ODAD4: variants seen among roughly 807,000 people sequenced by gnomAD.
The protein encoded by ODAD4 is outer dynein arm docking complex subunit 4.
ODAD4 carries 49 observed loss-of-function variants against 51.8 expected under a neutral mutation model. The observed-to-expected ratio is 0.95, with a 90% CI of 0.75 to 1.20. The LOEUF (loss-of-function observed/expected upper bound fraction) is 1.20, where lower values mean the gene tolerates loss of function less well. Among genes scored for constraint, ODAD4 ranks in the 50% most tolerant of loss-of-function variants. The probability of loss-of-function intolerance (pLI) is 0.00; values close to 1 mark genes in which losing one functional copy is unlikely to be tolerated. For missense variants in ODAD4, 590 were observed against 586.5 expected, an observed-to-expected ratio of 1.01 and a Z score of -0.06; for synonymous variants, 235 against 221.3, an observed-to-expected ratio of 1.06 and a Z score of -0.55.
rs1369112137 is a variant in ODAD4 at position 41,948,205 on chromosome 17, CAA to C, written c.1146-946_1146-945del. 9.2e-5 allele frequency among the ~76,000 whole-genome samples: 14 copies of C among 152,054 alleles called. 1 individual carries two copies. The highest frequency in any genetic ancestry group is 9.2e-4 in the Admixed American group (14 of 15,266). ...GAGAAAAGTATTCAGTCTCACCACCCAAAGACAAGTACTAATTCTAATCCTAC... is the reference window on the plus strand; with the variant it reads ...GAGAAAAGTATTCAGTCTCACCACCCAGACAAGTACTAATTCTAATCCTAC... On this transcript the variant is annotated intron_variant, in intron 8 of 11. Coordinates refer to ENST00000377540, the MANE Select transcript of ODAD4 (RefSeq NM_031421.5).
intron 5 of ODAD4, among the ~76,000 whole-genome samples, 170 bp from the exon 6 acceptor site, chr17:41,938,387 C>T (rs1291077695): frequency 6.6e-6 from 1 of 152,200 alleles, no homozygotes; most frequent in Non-Finnish European, 1.5e-5. Flanking sequence ...TGCCTCCTGG[C>T]CTGGATAAAC....
At chr17:41,936,147 T>C (rs1377452950) in intron 3 of ODAD4, among the ~76,000 whole-genome samples, 2 of 152,216 alleles carry the variant, frequency 1.3e-5, no homozygotes, top group Admixed American at 6.5e-5. Flanking sequence ...ATCAGCATTA[T>C]GGCAGGGGGA....
chr17:41,945,498 T>C (rs1279774564), intron 8 of ODAD4, among the ~76,000 whole-genome samples: 1 of 151,630 alleles, frequency 6.6e-6, no homozygotes, highest in South Asian at 2.1e-4. Flanking sequence ...GACAATATGT[T>C]ACCAGTGGAA....
At position 41,935,255 on chromosome 17, in the gene ODAD4, T is replaced by C; in HGVS notation, c.153T>C (p.Val51=). 1.9e-6 allele frequency: 3 copies of C among 1,613,996 alleles called. No homozygotes were observed. Among genetic ancestry groups the C allele is most frequent in the Non-Finnish European group, 2.5e-6 (3 of 1,179,894 alleles). ...YLQDGDKNCL[V]ARSKCFLKMG... ...AGGATGGAGACAAGAACTGCCTGGTTGCTCGCTCAAAGTGCTTCCTGAAGA... is the reference window on the plus strand; with the variant it reads ...AGGATGGAGACAAGAACTGCCTGGTCGCTCGCTCAAAGTGCTTCCTGAAGA... Residue 51 remains valine (V), a synonymous_variant, in exon 2 of 12, where the codon GTT becomes GTC. Coordinates refer to ENST00000377540, the MANE Select transcript of ODAD4 (RefSeq NM_031421.5).
chr17:41,965,347 G>C lies in ODAD4; in HGVS notation c.1883G>C (p.Ser628Thr). The change falls in exon 12 of 12, where the codon AGC becomes ACC. Residue 628 changes from serine (S) to threonine (T), a missense_variant. By Grantham distance (58) the Ser-to-Thr change is moderately conservative. Coordinates refer to ENST00000377540, the MANE Select transcript of ODAD4 (RefSeq NM_031421.5). ...ELEQRLSGEF[S>T]RQEPEELKKL... ...GAGCAAAGACTCTCAGGAGAATTCA[G>C]CAGACAGGAACCAGAAGAACTAAAG... 2 of 780,740 alleles carry C rather than the reference G, an allele frequency of 2.6e-6. No individual in the cohort carries two copies. The highest frequency in any genetic ancestry group is 4.8e-6 in the Non-Finnish European group (2 of 417,980). The allele number at this position is 780,740 out of a possible 1,614,324, so 48.4% of individuals were successfully genotyped here.
rs782039270 is a variant in ODAD4 at position 41,934,038 on chromosome 17, C to CTTTTTTTTTTTTTTTTTTTT, written c.115-1177_115-1158dup. 9.8e-4 allele frequency among the ~76,000 whole-genome samples: 64 copies of CTTTTTTTTTTTTTTTTTTTT among 65,500 alleles called. 1 individual carries two copies. Among genetic ancestry groups the CTTTTTTTTTTTTTTTTTTTT allele is most frequent in the Non-Finnish European group, 1.1e-3 (44 of 39,204 alleles). The allele number at this position is 65,500 out of a possible 152,430, so 43.0% of individuals were successfully genotyped here. On this transcript the variant is annotated intron_variant, in intron 1 of 11. Transcript: ENST00000377540. ...CCCTTTCTTTCTTTTTTCTTTCTTTCTTTTTTTTTTTTTTTTTTTTTGAGA... is the reference window on the plus strand; with the variant it reads ...CCCTTTCTTTCTTTTTTCTTTCTTTCTTTTTTTTTTTTTTTTTTTTTTTTTTTTTTTTTTTTTTTTTGAGA...
chr17:41,965,841 AC>A lies in ODAD4; in HGVS notation c.*359del, dbSNP rs2050877093. Among the ~76,000 whole-genome samples the A allele has an allele frequency of 6.6e-6, 1 of 152,152 alleles. No individual in the cohort carries two copies. Among genetic ancestry groups the A allele is most frequent in the Admixed American group, 6.5e-5 (1 of 15,282 alleles). On this transcript the variant is annotated 3_prime_UTR_variant, in exon 12 of 12. Transcript: ENST00000377540. ...GGTGCTTCCCACACACCGGTGACTGACTGAGTCCCTCCAGTGCGCAGGACAG... is the reference window on the plus strand; with the variant it reads ...GGTGCTTCCCACACACCGGTGACTGATGAGTCCCTCCAGTGCGCAGGACAG...
At chr17:41,932,904 C>T (rs2050370530) in intron 1 of ODAD4, among the ~76,000 whole-genome samples, 1 of 151,978 alleles carries the variant, frequency 6.6e-6, no homozygotes, top group Admixed American at 6.6e-5. Context: ...CCAAATTGCC[C>T]ACTTCTTCTG....
intron 1 of ODAD4, among the ~76,000 whole-genome samples, chr17:41,934,510 C>A (rs1214030102): frequency 1.3e-5 from 2 of 151,730 alleles, no homozygotes; most frequent in Non-Finnish European, 2.9e-5. Context: ...GACCACCACG[C>A]CCAGCTAATT....
At chr17:41,944,440 ACACACCCC>A (rs1293997971) in intron 7 of ODAD4, among the ~76,000 whole-genome samples, 2 of 4,760 alleles carry the variant, frequency 4.2e-4, no homozygotes, top group African/African-American at 8.6e-4. Flanking sequence ...ACACACACAC[ACACACCCC>A]CCCGCATACA....
In ODAD4 at chr17:41,945,880, G is replaced by A. The variant is rs147500309; in HGVS notation, c.1145+658G>A. Reference sequence around the variant, plus strand: ...CATGCCGCTGCACTCCAGCCTGGGCGACAGAGCAAGATACAGTCTCAAAAA... The same window carrying A: ...CATGCCGCTGCACTCCAGCCTGGGCAACAGAGCAAGATACAGTCTCAAAAA... On this transcript the variant is annotated intron_variant, in intron 8 of 11. Coordinates refer to ENST00000377540, the MANE Select transcript of ODAD4 (RefSeq NM_031421.5). Among the ~76,000 whole-genome samples, 6 of 149,772 alleles carry A rather than the reference G, an allele frequency of 4.0e-5. No homozygotes were observed. In the East Asian group the frequency reaches 6.0e-4, roughly 15 times the overall value.
chr17:41,935,532 G>C (rs1284703193), intron 2 of ODAD4, 67 bp from the exon 3 acceptor site: 9 of 1,557,398 alleles, frequency 5.8e-6, no homozygotes, highest in South Asian at 3.6e-5. Flanking sequence ...GGACCCTTCT[G>C]TTCCACCACA....
intron 10 of ODAD4, 120 bp from the exon 11 acceptor site, chr17:41,961,262 G>A: frequency 1.6e-6 from 1 of 643,914 alleles, no homozygotes; most frequent in Non-Finnish European, 2.8e-6. Context: ...GGAGGGGCCA[G>A]AGGGAAACCA....
intron 10 of ODAD4, among the ~76,000 whole-genome samples, chr17:41,958,698 C>A (rs1007015091): frequency 1.4e-5 from 2 of 147,966 alleles, no homozygotes; most frequent in Non-Finnish European, 3.0e-5. Flanking sequence ...ATGTAAAATT[C>A]TCAGTCACAC....
At chr17:41,940,387 C>A (rs797028259) in intron 7 of ODAD4, among the ~76,000 whole-genome samples, 14 of 152,330 alleles carry the variant, frequency 9.2e-5, no homozygotes, top group African/African-American at 2.9e-4. Context: ...TCTAAACCCA[C>A]CCTGGCCCTC....
intron 8 of ODAD4, among the ~76,000 whole-genome samples, chr17:41,945,833 G>A (rs782305367): frequency 2.6e-5 from 4 of 152,238 alleles, no homozygotes; most frequent in Admixed American, 2.0e-4. Context: ...CCCGGAAGGC[G>A]GAGGTTGCAG....
intron 11 of ODAD4, 75 bp from the exon 12 acceptor site, chr17:41,964,918 C>T: frequency 3.2e-6 from 2 of 627,658 alleles, no homozygotes; most frequent in Non-Finnish European, 5.8e-6. Context: ...GCTGAGATTA[C>T]AGGCGTGAGC....
At chr17:41,931,928 T>TTGTTGA (rs2050348050) in intron 1 of ODAD4, among the ~76,000 whole-genome samples, 1 of 151,778 alleles carries the variant, frequency 6.6e-6, no homozygotes, top group South Asian at 2.1e-4. Flanking sequence ...GTTGTTGTTG[T>TTGTTGA]TGTTGTTGTT....
At chr17:41,955,848 C>T (rs1418722512) in intron 10 of ODAD4, among the ~76,000 whole-genome samples, 1 of 151,944 alleles carries the variant, frequency 6.6e-6, no homozygotes, top group East Asian at 1.9e-4. Context: ...GTCTCACTCC[C>T]GTTGGCCAGG....
Sources: gnomAD v4.1 joint callset for allele counts (sites outside exome capture counted in the v4.1 genomes callset) on GRCh38, gnomAD v4.1.1 for gene constraint, MANE v1.5 for transcripts, NCBI Gene and HGNC (gene_info 2026-07-23, HGNC 2026-07-21) for gene names.